The following RBFOX1 variants were observed in gnomAD, a reference collection of about 807,000 sequenced individuals.
RBFOX1 encodes the protein RNA binding fox-1 homolog 1.
In RBFOX1, 8 loss-of-function variants were observed where a neutral mutation model predicts 57.7. That is an observed-to-expected ratio of 0.14 (90% CI 0.08 to 0.25). The LOEUF (loss-of-function observed/expected upper bound fraction) is 0.25. Among genes scored for constraint, RBFOX1 ranks in the 10% least tolerant of loss-of-function variants. The probability of loss-of-function intolerance (pLI) is 1.00; values close to 1 mark genes in which losing one functional copy is unlikely to be tolerated. For synonymous variants in RBFOX1, 326 were observed against 222.4 expected, an observed-to-expected ratio of 1.47 and a Z score of -4.15; for missense variants, 611 against 548.5, an observed-to-expected ratio of 1.11 and a Z score of -1.14.
At chr16:5,772,356 C>G (rs956974352) in intron 3 of RBFOX1, among the ~76,000 whole-genome samples, 2 of 114,116 alleles carry the variant, frequency 1.8e-5, no homozygotes, top group African/African-American at 3.8e-5. Flanking sequence ...GTGCTTTTCA[C>G]ACACCCAAAT....
At chr16:6,925,315 G>C (rs373076655) in intron 3 of RBFOX1, among the ~76,000 whole-genome samples, 1 of 138,094 alleles carries the variant, frequency 7.2e-6, no homozygotes, top group Non-Finnish European at 1.5e-5. Context: ...TGTAGAGATA[G>C]GGTTTCGTCC....
intron 4 of RBFOX1, among the ~76,000 whole-genome samples, chr16:7,374,799 G>A (rs1420073524): frequency 2.0e-5 from 3 of 152,098 alleles, no homozygotes; most frequent in Admixed American, 6.6e-5. Context: ...TAGAGTTACC[G>A]CCATGAGGTT....
chr16:6,754,144 C>A (rs1305120496), intron 3 of RBFOX1, among the ~76,000 whole-genome samples: 1 of 152,174 alleles, frequency 6.6e-6, no homozygotes, highest in Non-Finnish European at 1.5e-5. Context: ...ATTATGACAG[C>A]ATTTTTCTTT....
intron 1 of RBFOX1, among the ~76,000 whole-genome samples, chr16:5,453,480 C>A (rs1470005900): frequency 6.6e-6 from 1 of 152,164 alleles, no homozygotes; most frequent in African/African-American, 2.4e-5. Context: ...ACTAGGGCAG[C>A]ACTAGGCACC....
chr16:5,279,869 A>G (rs1386371537), intron 1 of RBFOX1, among the ~76,000 whole-genome samples: 1 of 152,208 alleles, frequency 6.6e-6, no homozygotes, highest in Non-Finnish European at 1.5e-5. Context: ...GTATAAGATT[A>G]TGTCATCTGC....
intron 4 of RBFOX1, among the ~76,000 whole-genome samples, chr16:7,163,585 C>T (rs959354579): frequency 2.6e-5 from 4 of 152,066 alleles, no homozygotes; most frequent in Non-Finnish European, 4.4e-5. Context: ...TTCATCATCT[C>T]AGTTTCTACA....
At chr16:7,471,495 G>T (rs962558546) in intron 4 of RBFOX1, among the ~76,000 whole-genome samples, 1 of 152,108 alleles carries the variant, frequency 6.6e-6, no homozygotes, top group African/African-American at 2.4e-5. Context: ...AGGCACCCTT[G>T]TTAAAAGACA....
intron 3 of RBFOX1, among the ~76,000 whole-genome samples, chr16:6,838,564 A>G (rs946508517): frequency 6.6e-6 from 1 of 152,188 alleles, no homozygotes; most frequent in Non-Finnish European, 1.5e-5. Flanking sequence ...CACACTGCCT[A>G]TGAGGTAGTC....
intron 4 of RBFOX1, among the ~76,000 whole-genome samples, chr16:7,517,660 G>T (rs960716579): frequency 1.2e-4 from 18 of 151,896 alleles, no homozygotes; most frequent in Non-Finnish European, 2.5e-4. Flanking sequence ...ATAAAACTTT[G>T]ATTAAATTCA....
At chr16:7,453,083 C>G (rs767518083) in intron 4 of RBFOX1, among the ~76,000 whole-genome samples, 40 of 147,976 alleles carry the variant, frequency 2.7e-4, no homozygotes, top group Non-Finnish European at 4.3e-4. Flanking sequence ...GAGCTGAGAT[C>G]GCACCACTGC....
At chr16:7,441,843 A>G (rs2149905561) in intron 4 of RBFOX1, among the ~76,000 whole-genome samples, 1 of 152,174 alleles carries the variant, frequency 6.6e-6, no homozygotes, top group East Asian at 1.9e-4. Context: ...CTGCTTCACG[A>G]TCCACTGGCT....
intron 3 of RBFOX1, among the ~76,000 whole-genome samples, chr16:5,730,000 A>G (rs889594373): frequency 5.3e-5 from 8 of 152,144 alleles, no homozygotes; most frequent in Non-Finnish European, 8.8e-5. Context: ...CCATGCCCGC[A>G]AAGGGGGTGC....
At chr16:6,549,831 C>A (rs568650791) in intron 2 of RBFOX1, among the ~76,000 whole-genome samples, 4 of 151,998 alleles carry the variant, frequency 2.6e-5, no homozygotes, top group Non-Finnish European at 4.4e-5. Flanking sequence ...TTAGGTCGAT[C>A]CTAAAACAAA....
intron 2 of RBFOX1, among the ~76,000 whole-genome samples, chr16:6,634,331 G>T (rs1033146683): frequency 6.6e-6 from 1 of 151,928 alleles, no homozygotes; most frequent in African/African-American, 2.4e-5. Flanking sequence ...AACCAATAAG[G>T]TTCATGTCCC....
chr16:6,865,246 A>AC (rs1447121791), intron 3 of RBFOX1, among the ~76,000 whole-genome samples: 2 of 151,516 alleles, frequency 1.3e-5, no homozygotes, highest in African/African-American at 2.4e-5. Context: ...CAGGTGATCC[A>AC]CCCGCCTTGG....
chr16:7,385,160 C>A (rs954882372), intron 4 of RBFOX1, among the ~76,000 whole-genome samples: 3 of 152,148 alleles, frequency 2.0e-5, no homozygotes, highest in African/African-American at 7.2e-5. Context: ...TTTTGTTAAC[C>A]ACGATAATGA....
At chr16:5,879,545 G>T (rs1202343319) in intron 4 of RBFOX1, among the ~76,000 whole-genome samples, 2 of 152,148 alleles carry the variant, frequency 1.3e-5, no homozygotes, top group Non-Finnish European at 2.9e-5. Context: ...GGCCTGGCTG[G>T]TCTCAAACTC....
intron 4 of RBFOX1, among the ~76,000 whole-genome samples, chr16:7,180,871 G>A (rs2082563779): frequency 1.3e-5 from 2 of 152,322 alleles, no homozygotes; most frequent in Admixed American, 6.5e-5. Context: ...TTGCCACAAA[G>A]TATTTGGTTG....
At chr16:6,933,679 C>T (rs749417585) in intron 3 of RBFOX1, among the ~76,000 whole-genome samples, 1 of 152,344 alleles carries the variant, frequency 6.6e-6, no homozygotes, top group Non-Finnish European at 1.5e-5. Context: ...TATGACTGCA[C>T]ACTCCAGCCT....
Sources: allele counts gnomAD v4.1 joint callset (sites outside exome capture counted in the v4.1 genomes callset), GRCh38; gene constraint gnomAD v4.1.1; transcripts MANE v1.5; gene names NCBI Gene and HGNC (gene_info 2026-07-23, HGNC 2026-07-21).